The following SUGCT variants were observed in gnomAD, a reference collection of about 807,000 sequenced individuals.
SUGCT encodes succinyl-CoA:glutarate-CoA transferase, also known as succinyl-CoA:glutarate CoA-transferase.
In SUGCT, 41 loss-of-function variants were observed where a neutral mutation model predicts 55.0. That is an observed-to-expected ratio of 0.74 (90% CI 0.58 to 0.97). SUGCT has a LOEUF of 0.97. Among genes scored for constraint, SUGCT ranks in the 50% least tolerant of loss-of-function variants. The probability of loss-of-function intolerance (pLI) is 0.00; values close to 1 mark genes in which losing one functional copy is unlikely to be tolerated. For synonymous variants in SUGCT, 187 were observed against 200.4 expected (o/e 0.93, Z 0.56); for missense variants, 568 against 547.8 (o/e 1.04, Z -0.37).
chr7:40,617,111 C>G (rs1380741428), intron 12 of SUGCT, among the ~76,000 whole-genome samples: 1 of 151,010 alleles, frequency 6.6e-6, no homozygotes, highest in Non-Finnish European at 1.5e-5. Context: ...AAAAAAAAAT[C>G]CAAAGACATT....
intron 12 of SUGCT, among the ~76,000 whole-genome samples, chr7:40,621,502 G>C (rs1205227968): frequency 6.6e-6 from 1 of 152,136 alleles, no homozygotes; most frequent in Non-Finnish European, 1.5e-5. Flanking sequence ...AAATCTCTGG[G>C]GCCTTTGGCT....
At chr7:40,245,200 A>AG (rs1456378409) in intron 7 of SUGCT, among the ~76,000 whole-genome samples, 1 of 149,632 alleles carries the variant, frequency 6.7e-6, no homozygotes, top group Non-Finnish European at 1.5e-5. Flanking sequence ...CATTACAGGC[A>AG]CCTGCCACCA....
chr7:40,620,303 C>T (rs1026066838), intron 12 of SUGCT, among the ~76,000 whole-genome samples: 3 of 152,212 alleles, frequency 2.0e-5, no homozygotes, highest in Non-Finnish European at 4.4e-5. Flanking sequence ...ATTTATGTTA[C>T]TTTGCTCAAG....
chr7:40,829,387 A>G (rs1313994446), intron 13 of SUGCT, among the ~76,000 whole-genome samples: 2 of 152,118 alleles, frequency 1.3e-5, no homozygotes, highest in Admixed American at 6.5e-5. Flanking sequence ...TTGCCAGCTC[A>G]TTCTTCAGTT....
chr7:40,277,630 G>A (rs189154360), intron 8 of SUGCT, among the ~76,000 whole-genome samples: 66 of 151,636 alleles, frequency 4.4e-4, no homozygotes, highest in African/African-American at 1.3e-3. Context: ...TGTGAGTAGT[G>A]GTTAGAGAAC....
intron 9 of SUGCT, among the ~76,000 whole-genome samples, chr7:40,406,159 T>C (rs961958780): frequency 1.3e-5 from 2 of 152,128 alleles, no homozygotes; most frequent in African/African-American, 4.8e-5. Flanking sequence ...GAAGCTGTCT[T>C]CTTGCTGAGT....
chr7:40,657,659 C>T (rs1801091444), intron 12 of SUGCT, among the ~76,000 whole-genome samples: 1 of 151,584 alleles, frequency 6.6e-6, no homozygotes, highest in Non-Finnish European at 1.5e-5. Flanking sequence ...CTCAGCCTCC[C>T]AAGTAGCTGG....
At chr7:40,828,713 C>A (rs1792491700) in intron 13 of SUGCT, among the ~76,000 whole-genome samples, 1 of 151,870 alleles carries the variant, frequency 6.6e-6, no homozygotes, top group African/African-American at 2.4e-5. Flanking sequence ...TACCTTTATG[C>A]AGTAAGAGCT....
intron 6 of SUGCT, among the ~76,000 whole-genome samples, chr7:40,228,763 G>A (rs752585751): frequency 6.6e-6 from 1 of 152,048 alleles, no homozygotes; most frequent in Non-Finnish European, 1.5e-5. Flanking sequence ...ATTACCCTGA[G>A]GTATAGGCAG....
the SUGCT span, among the ~76,000 whole-genome samples, chr7:41,019,358 T>C: frequency 1.3e-5 from 2 of 152,242 alleles, no homozygotes; most frequent in African/African-American, 4.8e-5. Context: ...CCTTCAGTTC[T>C]CCTTCCTTTA....
chr7:41,003,320 A>G, the SUGCT span, among the ~76,000 whole-genome samples: 1 of 152,198 alleles, frequency 6.6e-6, no homozygotes, highest in Non-Finnish European at 1.5e-5. Context: ...CTGGACCTTG[A>G]CAACCAAAAG....
intron 11 of SUGCT, among the ~76,000 whole-genome samples, chr7:40,484,808 GCA>G (rs904247852): frequency 2.0e-5 from 3 of 152,052 alleles, no homozygotes; most frequent in Non-Finnish European, 4.4e-5. Context: ...CTGGCCTTTA[GCA>G]CCACATCACT....
At chr7:40,238,652 T>TATTA (rs71949061) in intron 7 of SUGCT, among the ~76,000 whole-genome samples, 3 of 151,286 alleles carry the variant, frequency 2.0e-5, no homozygotes, top group Non-Finnish European at 4.4e-5. Flanking sequence ...TAATTTTACT[T>TATTA]ATTAATTAAT....
chr7:40,450,520 A>G (rs981239887), intron 10 of SUGCT, among the ~76,000 whole-genome samples: 1 of 151,860 alleles, frequency 6.6e-6, no homozygotes, highest in African/African-American at 2.4e-5. Context: ...CATGCCTGCA[A>G]TCCCAGCACT....
At chr7:40,814,499 T>C (rs1439646727) in intron 13 of SUGCT, among the ~76,000 whole-genome samples, 1 of 152,066 alleles carries the variant, frequency 6.6e-6, no homozygotes, top group African/African-American at 2.4e-5. Context: ...TTGATAAATC[T>C]GTCAATTATA....
chr7:40,812,174 A>G (rs564570761), intron 13 of SUGCT, among the ~76,000 whole-genome samples: 4 of 151,942 alleles, frequency 2.6e-5, no homozygotes, highest in Non-Finnish European at 5.9e-5. Context: ...TATTTTGTTG[A>G]TGATTGGCCT....
the SUGCT span, among the ~76,000 whole-genome samples, chr7:41,003,594 T>C: frequency 1.1e-4 from 16 of 152,208 alleles, no homozygotes; most frequent in Non-Finnish European, 2.2e-4. Context: ...AACGGTGGCA[T>C]GGGCATATGT....
At chr7:40,462,811 G>T (rs71536685) in intron 11 of SUGCT, among the ~76,000 whole-genome samples, 11,554 of 152,058 alleles carry the variant, frequency 0.076, 559 homozygotes, top group East Asian at 0.15. Context: ...ACTTCTTTTT[G>T]GTAGTGGTTG....
chr7:40,877,838 G>C, the SUGCT span, among the ~76,000 whole-genome samples: 7 of 152,200 alleles, frequency 4.6e-5, no homozygotes, highest in Non-Finnish European at 1.0e-4. Context: ...CTGCACATGT[G>C]CATGTCACAT....
Sources: allele counts gnomAD v4.1 joint callset (sites outside exome capture counted in the v4.1 genomes callset), GRCh38; gene constraint gnomAD v4.1.1; transcripts MANE v1.5; gene names NCBI Gene and HGNC (gene_info 2026-07-23, HGNC 2026-07-21).